SMYD3: variants seen among roughly 807,000 people sequenced by gnomAD.
SMYD3 encodes the protein histone-lysine N-methyltransferase SMYD3.
In SMYD3, 36 loss-of-function variants were observed where a neutral mutation model predicts 57.7. The ratio of observed to expected loss-of-function variants is 0.62; its 90% CI spans 0.48 to 0.82. SMYD3 has a LOEUF of 0.82. Among genes scored for constraint, SMYD3 ranks in the 40% least tolerant of loss-of-function variants. The pLI is 0.00. For synonymous variants in SMYD3, 211 were observed against 195.0 expected, an observed-to-expected ratio of 1.08 and a Z score of -0.68; for missense variants, 515 against 538.8, an observed-to-expected ratio of 0.96 and a Z score of 0.44.
intron 7 of SMYD3, among the ~76,000 whole-genome samples, chr1:245,917,844 G>A (rs2055558569): frequency 6.6e-6 from 1 of 152,180 alleles, no homozygotes. Context: ...ATTATCCACT[G>A]AAGGGATGCA....
intron 1 of SMYD3, among the ~76,000 whole-genome samples, chr1:246,418,492 G>A (rs113336599): frequency 0.033 from 5,055 of 152,220 alleles, 271 homozygotes; most frequent in African/African-American, 0.11. Context: ...TAATCTAGCC[G>A]TCTGTAGGCA....
At chr1:245,804,665 A>C (rs1234053214) in intron 10 of SMYD3, among the ~76,000 whole-genome samples, 1 of 152,254 alleles carries the variant, frequency 6.6e-6, no homozygotes, top group Non-Finnish European at 1.5e-5. Flanking sequence ...TAAATGAATT[A>C]GTACCTTATA....
intron 5 of SMYD3, among the ~76,000 whole-genome samples, chr1:246,005,337 C>T (rs1005469144): frequency 5.9e-5 from 9 of 152,192 alleles, no homozygotes; most frequent in Non-Finnish European, 7.3e-5. Flanking sequence ...GCAAAGCAAA[C>T]GCTTACAGCT....
At chr1:245,993,020 C>T (rs936462724) in intron 5 of SMYD3, among the ~76,000 whole-genome samples, 6 of 152,100 alleles carry the variant, frequency 3.9e-5, no homozygotes, top group African/African-American at 1.4e-4. Flanking sequence ...ATCAAGGCCT[C>T]GGTTTCCAAA....
intron 5 of SMYD3, among the ~76,000 whole-genome samples, chr1:246,094,760 G>A (rs1453968266): frequency 2.6e-5 from 4 of 152,032 alleles, no homozygotes; most frequent in Non-Finnish European, 4.4e-5. Flanking sequence ...ATTTCTTCAC[G>A]GCTAATGTCC....
intron 5 of SMYD3, among the ~76,000 whole-genome samples, chr1:246,278,322 G>A (rs1243283839): frequency 1.3e-5 from 2 of 151,488 alleles, no homozygotes; most frequent in East Asian, 3.9e-4. Flanking sequence ...GGGTGTGCAG[G>A]CCTTTGTACA....
chr1:246,327,655 TACAA>T (rs2065378221), intron 4 of SMYD3, among the ~76,000 whole-genome samples: 1 of 152,236 alleles, frequency 6.6e-6, no homozygotes. Context: ...TGTACACACA[TACAA>T]ACAATTATCA....
Position 245,979,987 on chromosome 1 carries a change from A to T in SMYD3, c.532-50050T>A, listed in dbSNP as rs79923171. ...TGCGTCAGACACCAGTCTAGTGGACATCGCACGCTAGCCCTGCCACTCGCC... is the reference window on the plus strand; with the variant it reads ...TGCGTCAGACACCAGTCTAGTGGACTTCGCACGCTAGCCCTGCCACTCGCC... On this transcript the variant is annotated intron_variant, in intron 5 of 11. Coordinates refer to ENST00000490107, the MANE Select transcript of SMYD3 (RefSeq NM_001167740.2). Among the ~76,000 whole-genome samples, 202 of 152,350 alleles carry T rather than the reference A, an allele frequency of 1.3e-3. 3 individuals are homozygous for T. The East Asian group carries it at 0.03, about 22-fold the overall frequency.
At chr1:246,222,303 T>C (rs1326706693) in intron 5 of SMYD3, among the ~76,000 whole-genome samples, 1 of 152,122 alleles carries the variant, frequency 6.6e-6, no homozygotes, top group Non-Finnish European at 1.5e-5. Flanking sequence ...CTCTAAGAAA[T>C]AGATATTACA....
At chr1:245,773,089 C>G (rs1353498132) in intron 10 of SMYD3, among the ~76,000 whole-genome samples, 1 of 52,148 alleles carries the variant, frequency 1.9e-5, no homozygotes, top group Non-Finnish European at 3.2e-5. Flanking sequence ...GGGAGAATCA[C>G]TAAAAAAAAA....
At position 246,230,337 on chromosome 1, in the gene SMYD3, G is replaced by A. The variant is rs116732580; in HGVS notation, c.531+96864C>T. On this transcript the variant is annotated intron_variant, in intron 5 of 11. Coordinates refer to ENST00000490107, the MANE Select transcript of SMYD3 (RefSeq NM_001167740.2). Reference sequence around the variant, plus strand: ...GGCCATTTCCCTTTAATCTGCAATCGCTCACCAGAAAGATTTAGTTTGCAT... The same window carrying A: ...GGCCATTTCCCTTTAATCTGCAATCACTCACCAGAAAGATTTAGTTTGCAT... Among the ~76,000 whole-genome samples, 1,403 of 143,426 alleles carry A rather than the reference G, an allele frequency of 9.8e-3. 18 individuals are homozygous for A. Among genetic ancestry groups the A allele is most frequent in the African/African-American group, 0.033 (1,324 of 39,632 alleles). The allele number at this position is 143,426 out of a possible 152,430, so 94.1% of individuals were successfully genotyped here. A position where few individuals can be genotyped will look rare whatever the true frequency, so the allele number is the denominator to read the frequency against.
At chr1:246,245,963 C>A (rs1572271841) in intron 5 of SMYD3, among the ~76,000 whole-genome samples, 1 of 152,126 alleles carries the variant, frequency 6.6e-6, no homozygotes, top group Admixed American at 6.5e-5. Flanking sequence ...GTTTTCCTAT[C>A]CAAAAAATTC....
intron 5 of SMYD3, among the ~76,000 whole-genome samples, chr1:246,324,763 T>C (rs1293822826): frequency 2.0e-5 from 3 of 151,610 alleles, no homozygotes; most frequent in African/African-American, 4.8e-5. Flanking sequence ...CCGTTTCTTC[T>C]CTTTGATTAA....
At chr1:246,003,137 G>T (rs1369546130) in intron 5 of SMYD3, among the ~76,000 whole-genome samples, 1 of 152,218 alleles carries the variant, frequency 6.6e-6, no homozygotes, top group Non-Finnish European at 1.5e-5. Flanking sequence ...GTAAAGGGGC[G>T]AAGAAATGCC....
intron 5 of SMYD3, among the ~76,000 whole-genome samples, chr1:246,136,434 T>C (rs963183582): frequency 1.3e-5 from 2 of 152,328 alleles, no homozygotes; most frequent in Middle Eastern, 3.4e-3. Flanking sequence ...CCATCTGAGA[T>C]AGAACCTTCT....
Position 246,153,124 on chromosome 1 carries a change from C to G in SMYD3, c.531+174077G>C, listed in dbSNP as rs192784524. On this transcript the variant is annotated intron_variant, in intron 5 of 11. Coordinates refer to ENST00000490107, the MANE Select transcript of SMYD3 (RefSeq NM_001167740.2). ...TGTCTACTCAAGCACCAAGCCTCTG[C>G]GTGTGTGCGTCTCCCTCAGATGATC... is the stretch of plus-strand genomic sequence containing the variant. Among the ~76,000 whole-genome samples the G allele has an allele frequency of 1.3e-4, 20 of 152,102 alleles. No homozygotes were observed. In the South Asian group the frequency reaches 1.7e-3, roughly 13 times the overall value.
At chr1:246,381,464 T>A (rs2066384506) in intron 1 of SMYD3, among the ~76,000 whole-genome samples, 1 of 152,200 alleles carries the variant, frequency 6.6e-6, no homozygotes, top group Non-Finnish European at 1.5e-5. Context: ...ACCAAGTTTA[T>A]CGATGCTTTT....
At chr1:246,110,836 C>T (rs1007103536) in intron 5 of SMYD3, among the ~76,000 whole-genome samples, 12 of 152,176 alleles carry the variant, frequency 7.9e-5, no homozygotes, top group East Asian at 1.9e-4. Context: ...TGCAGTGCAG[C>T]CATGTTCCTT....
At chr1:246,143,140 C>CAG (rs2061785798) in intron 5 of SMYD3, among the ~76,000 whole-genome samples, 1 of 132,598 alleles carries the variant, frequency 7.5e-6, no homozygotes, top group South Asian at 2.2e-4. Context: ...CACACACACA[C>CAG]ACACACACAC....
Sources: gnomAD v4.1 joint callset for allele counts (sites outside exome capture counted in the v4.1 genomes callset) on GRCh38, gnomAD v4.1.1 for gene constraint, MANE v1.5 for transcripts, NCBI Gene and HGNC (gene_info 2026-07-23, HGNC 2026-07-21) for gene names.